Variants in CLOCK observed in about 807,000 individuals in gnomAD.
The protein encoded by CLOCK is circadian locomoter output cycles protein kaput.
CLOCK carries 43 observed loss-of-function variants against 118.4 expected under a neutral mutation model. The ratio of observed to expected loss-of-function variants is 0.36; its 90% CI spans 0.28 to 0.47. The LOEUF is 0.47. Ranked by LOEUF, CLOCK falls within the 20% of genes least tolerant of loss-of-function variation. CLOCK has a pLI of 1.00. For synonymous variants in CLOCK, 326 were observed against 339.2 expected, an observed-to-expected ratio of 0.96 and a Z score of 0.43; for missense variants, 846 against 999.9, an observed-to-expected ratio of 0.85 and a Z score of 2.08.
Position 55,531,321 on chromosome 4 carries a change from T to C in CLOCK, c.-290+15461A>G, listed in dbSNP as rs147805641. Among the ~76,000 whole-genome samples, 11 of 151,900 alleles carry C rather than the reference T, an allele frequency of 7.2e-5. No individual in the cohort carries two copies. In the East Asian group the frequency reaches 2.1e-3, roughly 29 times the overall value. Reference sequence around the variant, plus strand: ...TTAGCAGTGAGTCAATAGATATAATTTGAAGTTAGTAAATCAAGAAATAAA... The same window carrying C: ...TTAGCAGTGAGTCAATAGATATAATCTGAAGTTAGTAAATCAAGAAATAAA... On this transcript the variant is annotated intron_variant, in intron 1 of 22. Coordinates refer to ENST00000513440, the MANE Select transcript of CLOCK (RefSeq NM_004898.4).
At chr4:55,515,860 G>A (rs906362964) in intron 1 of CLOCK, among the ~76,000 whole-genome samples, 2 of 152,066 alleles carry the variant, frequency 1.3e-5, no homozygotes, top group African/African-American at 4.8e-5. Flanking sequence ...ATTTTGTTAA[G>A]TTGTTTTCAT....
intron 9 of CLOCK, 113 bp downstream of exon 9, chr4:55,463,572 G>A: frequency 1.1e-6 from 1 of 926,742 alleles, no homozygotes; most frequent in Non-Finnish European, 1.7e-6. Context: ...GGACCTAATA[G>A]GGCATATGGA....
chr4:55,489,886 G>T (rs1727555719), intron 2 of CLOCK, among the ~76,000 whole-genome samples: 1 of 151,866 alleles, frequency 6.6e-6, no homozygotes, highest in African/African-American at 2.4e-5. Flanking sequence ...CACATGTGAG[G>T]ACTGACACAA....
chr4:55,486,394 T>A (rs1727298036), intron 3 of CLOCK: 1 of 152,200 alleles, frequency 6.6e-6, no homozygotes, highest in African/African-American at 2.4e-5. Flanking sequence ...TCTACTAACC[T>A]GAGGACAAGC....
At chr4:55,521,108 C>T (rs1380982842) in intron 1 of CLOCK, among the ~76,000 whole-genome samples, 3 of 152,112 alleles carry the variant, frequency 2.0e-5, no homozygotes, top group Non-Finnish European at 4.4e-5. Context: ...GCAATTTTAA[C>T]GTTGGTAAAA....
intron 2 of CLOCK, chr4:55,501,734 T>G (rs1728460763): frequency 6.6e-6 from 1 of 152,212 alleles, no homozygotes; most frequent in Admixed American, 6.5e-5. Flanking sequence ...AAACCTATTT[T>G]TATGGGAAAT....
chr4:55,526,638 T>C (rs931063907), intron 1 of CLOCK, among the ~76,000 whole-genome samples: 3 of 151,500 alleles, frequency 2.0e-5, no homozygotes, highest in Non-Finnish European at 4.4e-5. Context: ...AAAGGTGCAG[T>C]GTAGACAGTA....
chr4:55,504,477 G>A lies in CLOCK; in HGVS notation c.-136+5435C>T, dbSNP rs74922961. 1.2e-4 allele frequency among the ~76,000 whole-genome samples: 18 copies of A among 151,992 alleles called. No individual in the cohort carries two copies. The East Asian group carries it at 2.7e-3, about 23-fold the overall frequency. ...AAATGCTCAAAATTGTATTAATACC[G>A]TTCTAAGAAACACATGTAACAGACC... On this transcript the variant is annotated intron_variant, in intron 2 of 22. Transcript: ENST00000513440.
At chr4:55,472,059 A>T (rs1397918367) in intron 7 of CLOCK, among the ~76,000 whole-genome samples, 1 of 152,196 alleles carries the variant, frequency 6.6e-6, no homozygotes, top group Non-Finnish European at 1.5e-5. Context: ...CAACAGAGTG[A>T]GACCCTGTCT....
At chr4:55,539,736 CAGA>C (rs1278180393) in intron 1 of CLOCK, among the ~76,000 whole-genome samples, 1 of 151,938 alleles carries the variant, frequency 6.6e-6, no homozygotes, top group East Asian at 1.9e-4. Context: ...CAATGTCCAA[CAGA>C]AGATTGATAA....
chr4:55,541,977 G>T (rs1731298778), intron 1 of CLOCK, among the ~76,000 whole-genome samples: 1 of 150,040 alleles, frequency 6.7e-6, no homozygotes, highest in Non-Finnish European at 1.5e-5. Context: ...GCCAGAAATA[G>T]GCTCATCCTT....
intron 2 of CLOCK, among the ~76,000 whole-genome samples, chr4:55,502,501 C>G (rs1042534941): frequency 1.3e-5 from 2 of 151,976 alleles, no homozygotes; most frequent in Admixed American, 6.6e-5. Flanking sequence ...TGGACTTCCA[C>G]ACGGAAAATA....
intron 2 of CLOCK, among the ~76,000 whole-genome samples, chr4:55,496,035 A>T (rs1162462128): frequency 6.6e-6 from 1 of 152,032 alleles, no homozygotes; most frequent in African/African-American, 2.4e-5. Context: ...CTAAAAATAC[A>T]AAAATTAGCC....
intron 15 of CLOCK, 134 bp downstream of exon 15, chr4:55,452,920 A>G: frequency 1.5e-6 from 1 of 657,570 alleles, no homozygotes; most frequent in Non-Finnish European, 2.6e-6. Flanking sequence ...AATAAGTAGT[A>G]AAGTATAATC....
intron 1 of CLOCK, among the ~76,000 whole-genome samples, chr4:55,520,378 GTCA>G (rs1729782752): frequency 6.6e-6 from 1 of 152,092 alleles, no homozygotes; most frequent in African/African-American, 2.4e-5. Context: ...GTATCCAAGG[GTCA>G]TCAACACCTC....
At chr4:55,538,299 C>G (rs1560486762) in intron 1 of CLOCK, among the ~76,000 whole-genome samples, 1 of 152,012 alleles carries the variant, frequency 6.6e-6, no homozygotes, top group African/African-American at 2.4e-5. Context: ...GAAAAACAAA[C>G]AAGATAAACA....
intron 1 of CLOCK, among the ~76,000 whole-genome samples, chr4:55,533,106 A>G (rs1730663305): frequency 6.6e-6 from 1 of 152,080 alleles, no homozygotes; most frequent in African/African-American, 2.4e-5. Context: ...TTTTTTTTGC[A>G]GAAATAGAAA....
chr4:55,428,372 T>C lies in CLOCK; in HGVS notation c.*7043A>G, dbSNP rs76778996. The C allele has an allele frequency of 1.1e-3, 162 of 152,366 alleles. 1 individual carries two copies. In the East Asian group the frequency reaches 0.027, roughly 26 times the overall value. 9.4% of individuals were successfully genotyped at this position (152,366 alleles called of 1,614,324 possible). ...ATCGGTAACAAAACGATCCACATTT[T>C]ATACAATATTGTATTTCCAAACATA... On this transcript the variant is annotated 3_prime_UTR_variant, in exon 23 of 23. Transcript: ENST00000513440.
intron 8 of CLOCK, among the ~76,000 whole-genome samples, chr4:55,464,802 G>A (rs1321870876): frequency 1.3e-5 from 2 of 152,118 alleles, no homozygotes; most frequent in Non-Finnish European, 2.9e-5. Flanking sequence ...TGTTGTATTA[G>A]GTTGGTGCCA....
Sources: gnomAD v4.1 joint callset for allele counts (sites outside exome capture counted in the v4.1 genomes callset) on GRCh38, gnomAD v4.1.1 for gene constraint, MANE v1.5 for transcripts, NCBI Gene and HGNC (gene_info 2026-07-23, HGNC 2026-07-21) for gene names.